Variants in PJVK observed in about 807,000 individuals in gnomAD.
The protein encoded by PJVK is autosomal recessive deafness type 59 protein.
A neutral mutation model predicts 37.6 loss-of-function variants in PJVK; 33 were observed. That is an observed-to-expected ratio of 0.88 (90% CI 0.67 to 1.17). The LOEUF (loss-of-function observed/expected upper bound fraction) is 1.17, where lower values mean the gene tolerates loss of function less well. Ranked by LOEUF, PJVK falls within the 50% of genes most tolerant of loss-of-function variation. The pLI is 0.00. For synonymous variants in PJVK, 141 were observed against 143.5 expected (o/e 0.98, Z 0.13); for missense variants, 410 against 413.8 (o/e 0.99, Z 0.08).
At chr2:178,454,252 A>G in intron 2 of PJVK, 80 bp from the exon 3 acceptor site, 3 of 1,276,180 alleles carry the variant, frequency 2.4e-6, no homozygotes, top group Non-Finnish European at 3.3e-6. Context: ...TGAGTCTTCA[A>G]TTGTTAATTT....
intron 4 of PJVK, among the ~76,000 whole-genome samples, chr2:178,456,789 A>T (rs1404267035): frequency 2.7e-5 from 4 of 150,480 alleles, no homozygotes; most frequent in Non-Finnish European, 4.4e-5. Flanking sequence ...CAAAACAAAA[A>T]CCCCAACCAA....
intron 3 of PJVK, chr2:178,455,037 T>TC: frequency 2.5e-6 from 3 of 1,212,688 alleles, no homozygotes; most frequent in Non-Finnish European, 3.7e-6. Flanking sequence ...GGTGGTGGCA[T>TC]CCAACGGCGG....
intron 4 of PJVK, among the ~76,000 whole-genome samples, chr2:178,457,954 T>C (rs1427719088): frequency 6.6e-6 from 1 of 152,236 alleles, no homozygotes; most frequent in Non-Finnish European, 1.5e-5. Flanking sequence ...AATGACTTGA[T>C]TGGATTAAAA....
At chr2:178,454,657 A>T in intron 3 of PJVK, 130 bp downstream of exon 3, 2 of 1,426,710 alleles carry the variant, frequency 1.4e-6, no homozygotes, top group South Asian at 1.2e-5. Context: ...TATGTTTGAA[A>T]TACATTGGTA....
chr2:178,458,214 TAA>T (rs34944666), intron 4 of PJVK, among the ~76,000 whole-genome samples: 55 of 143,734 alleles, frequency 3.8e-4, no homozygotes, highest in Non-Finnish European at 4.4e-4. Context: ...GATTTCCTGT[TAA>T]AAAAAAAAAA....
At chr2:178,454,275 T>C in intron 2 of PJVK, 57 bp from the exon 3 acceptor site, 4 of 1,443,836 alleles carry the variant, frequency 2.8e-6, no homozygotes, top group Non-Finnish European at 3.8e-6. Context: ...CATGTTACTA[T>C]ATATAATCTA....
chr2:178,451,383 G>C lies in PJVK; in HGVS notation c.-409G>C. On this transcript the variant is annotated 5_prime_UTR_variant, in exon 1 of 7. Transcript: ENST00000644580. ...CGCCCGCCCCTGCCGGCCCTGACCA[G>C]CCTGTAGTAACTGGCCCCTAGGCCG... is the stretch of plus-strand genomic sequence containing the variant. The C allele has an allele frequency of 3.0e-6, 1 of 335,722 alleles. No homozygotes were observed. Among genetic ancestry groups the C allele is most frequent in the Non-Finnish European group, 5.5e-6 (1 of 181,988 alleles). The allele number at this position is 335,722 out of a possible 1,614,324, so 20.8% of individuals were successfully genotyped here. A position where few individuals can be genotyped will look rare whatever the true frequency, so the allele number is the denominator to read the frequency against.
intron 5 of PJVK, chr2:178,459,314 A>G (rs1007974073): frequency 1.9e-5 from 8 of 419,964 alleles, no homozygotes; most frequent in African/African-American, 1.4e-4. Context: ...CATTTCTGCA[A>G]TTTTGTAGGA....
chr2:178,454,990 C>G, intron 3 of PJVK: 1 of 1,014,192 alleles, frequency 9.9e-7, no homozygotes, highest in Non-Finnish European at 1.6e-6. Flanking sequence ...CTGGCGGTCC[C>G]TTTCTGTGTG....
rs1559367113 is a variant in PJVK at position 178,454,507 on chromosome 2, A to C, written c.387A>C (p.Leu129Phe). 1 of 1,613,780 alleles carries C rather than the reference A, an allele frequency of 6.2e-7. No individual in the cohort carries two copies. The highest frequency in any genetic ancestry group is 2.2e-5 in the East Asian group (1 of 44,822). Residue 129 changes from leucine to phenylalanine, a missense_variant, in exon 3 of 7, where the codon TTA (leucine) becomes TTC (phenylalanine). Coordinates refer to ENST00000644580, the MANE Select transcript of PJVK (RefSeq NM_001042702.5). ...VTKHEVEVST[L>F]LKEITTRKIN... ...AACATGAAGTGGAAGTATCAACATT[A>C]CTCAAAGAAATTACTACACGGTCAG...
chr2:178,458,396 C>T (rs926520918), intron 4 of PJVK, 114 bp from the exon 5 acceptor site: 4 of 831,262 alleles, frequency 4.8e-6, no homozygotes, highest in South Asian at 3.4e-5. Context: ...TAATCCTTTA[C>T]TTGGGAATTT....
At chr2:178,455,856 T>G (rs1684037413) in intron 3 of PJVK, among the ~76,000 whole-genome samples, 154 bp from the exon 4 acceptor site, 1 of 152,230 alleles carries the variant, frequency 6.6e-6, no homozygotes, top group African/African-American at 2.4e-5. Context: ...GACAAATTAT[T>G]ACATTTCTTT....
chr2:178,461,364 A>T lies in PJVK; in HGVS notation c.*90A>T. 2 of 1,479,100 alleles carry T rather than the reference A, an allele frequency of 1.4e-6. No individual in the cohort carries two copies. The highest frequency in any genetic ancestry group is 1.9e-6 in the Non-Finnish European group (2 of 1,073,998). The allele number at this position is 1,479,100 out of a possible 1,614,324, so 91.6% of individuals were successfully genotyped here. A position where few individuals can be genotyped will look rare whatever the true frequency, so the allele number is the denominator to read the frequency against. On this transcript the variant is annotated 3_prime_UTR_variant, in exon 7 of 7. Coordinates refer to ENST00000644580, the MANE Select transcript of PJVK (RefSeq NM_001042702.5). ...TATCTAGGTTTGCTTTGATGAATTAAATTAAAATGAGAAAAGCAAAAAGAA... is the reference window on the plus strand; with the variant it reads ...TATCTAGGTTTGCTTTGATGAATTATATTAAAATGAGAAAAGCAAAAAGAA...
At chr2:178,459,956 A>G (rs1684379472) in intron 5 of PJVK, 1 of 194,372 alleles carries the variant, frequency 5.1e-6, no homozygotes, top group East Asian at 1.4e-4. Context: ...AATACTTTTA[A>G]TAGATATTTT....
chr2:178,452,412 A>C (rs1168158162), intron 1 of PJVK: 1 of 985,182 alleles, frequency 1.0e-6, no homozygotes, highest in African/African-American at 1.7e-5. Context: ...TGCTTTAATT[A>C]GAGCCTATTC....
rs1164002858 is a variant in PJVK at position 178,451,476 on chromosome 2, TG to T, written c.-313del. On this transcript the variant is annotated 5_prime_UTR_variant, in exon 1 of 7. Coordinates refer to ENST00000644580, the MANE Select transcript of PJVK (RefSeq NM_001042702.5). ...GAGGGATTAGAGGGATTGTCCGGCGTGGGTCTAGGGTCGTTGAGGCCTAAAG... is the reference window on the plus strand; with the variant it reads ...GAGGGATTAGAGGGATTGTCCGGCGTGGTCTAGGGTCGTTGAGGCCTAAAG... The T allele has an allele frequency of 5.7e-6, 1 of 175,868 alleles. No individual in the cohort carries two copies. Among genetic ancestry groups the T allele is most frequent in the Non-Finnish European group, 1.2e-5 (1 of 82,308 alleles). The allele number at this position is 175,868 out of a possible 1,614,324, so 10.9% of individuals were successfully genotyped here.
At chr2:178,459,640 C>T (rs1007110333) in intron 5 of PJVK, among the ~76,000 whole-genome samples, 3 of 151,986 alleles carry the variant, frequency 2.0e-5, no homozygotes, top group East Asian at 1.9e-4. Flanking sequence ...CTGTAGTCAC[C>T]CTATTATGCT....
chr2:178,461,113 C>T lies in PJVK; in HGVS notation c.898C>T (p.Leu300Phe), dbSNP rs747675082. The change falls in exon 7 of 7, where the codon CTT (leucine) becomes TTT (phenylalanine). Residue 300 changes from leucine (L) to phenylalanine (F), a missense_variant. Physicochemically the swap from Leu to Phe is conservative, Grantham distance 22. Coordinates refer to ENST00000644580, the MANE Select transcript of PJVK (RefSeq NM_001042702.5). Reference sequence around the variant, plus strand: ...AGGGACCCATATCCGAGTTAACTTACTTAATCACAACATTCCCAAAGGGCC... The same window carrying T: ...AGGGACCCATATCCGAGTTAACTTATTTAATCACAACATTCCCAAAGGGCC... ...KEGTHIRVNL[L>F]NHNIPKGPCI... The T allele has an allele frequency of 1.9e-6, 3 of 1,614,014 alleles. No individual in the cohort carries two copies. Among genetic ancestry groups the T allele is most frequent in the Non-Finnish European group, 1.7e-6 (2 of 1,180,026 alleles).
Position 178,457,708 on chromosome 2 carries a change from G to A in PJVK, c.550-802G>A, listed in dbSNP as rs375301362. 2.5e-3 allele frequency among the ~76,000 whole-genome samples: 384 copies of A among 152,250 alleles called. 1 individual carries two copies. The highest frequency in any genetic ancestry group is 4.5e-3 in the Non-Finnish European group (306 of 68,016). ...GCCACGGGCTCAGCTGACGACCATGGGCTTCGCGTCCAACCAGCAGTTTGC... is the reference window on the plus strand; with the variant it reads ...GCCACGGGCTCAGCTGACGACCATGAGCTTCGCGTCCAACCAGCAGTTTGC... On this transcript the variant is annotated intron_variant, in intron 4 of 6. Coordinates refer to ENST00000644580, the MANE Select transcript of PJVK (RefSeq NM_001042702.5).
Sources: gnomAD v4.1 joint callset for allele counts (sites outside exome capture counted in the v4.1 genomes callset) on GRCh38, gnomAD v4.1.1 for gene constraint, MANE v1.5 for transcripts, NCBI Gene and HGNC (gene_info 2026-07-23, HGNC 2026-07-21) for gene names.